Variants in GALNS observed in about 807,000 individuals in gnomAD.
GALNS encodes N-acetylgalactosamine-6-sulfatase.
In GALNS, 65 loss-of-function variants were observed where a neutral mutation model predicts 65.9. The observed-to-expected ratio is 0.99, with a 90% CI of 0.81 to 1.21. The LOEUF is 1.21. Ranked by LOEUF, GALNS falls within the 50% of genes most tolerant of loss-of-function variation. The probability of loss-of-function intolerance (pLI) is 0.00; values close to 1 mark genes in which losing one functional copy is unlikely to be tolerated. For missense variants in GALNS, 776 were observed against 700.7 expected, an observed-to-expected ratio of 1.11 and a Z score of -1.21; for synonymous variants, 346 against 288.9, an observed-to-expected ratio of 1.20 and a Z score of -2.00.
intron 10 of GALNS, among the ~76,000 whole-genome samples, chr16:88,825,404 G>A (rs1910763490): frequency 7.0e-6 from 1 of 143,342 alleles, no homozygotes; most frequent in Admixed American, 6.7e-5. Context: ...CGGGGCTGGG[G>A]TGACTGGGTG....
chr16:88,827,742 T>C (rs893402326), intron 9 of GALNS, among the ~76,000 whole-genome samples: 1 of 152,190 alleles, frequency 6.6e-6, no homozygotes, highest in Non-Finnish European at 1.5e-5. Context: ...CCGGCGGCCC[T>C]GTCTCTTTCT....
At chr16:88,814,979 T>A (rs548392708) in intron 13 of GALNS, 2 of 947,738 alleles carry the variant, frequency 2.1e-6, no homozygotes, top group Non-Finnish European at 2.5e-6. Flanking sequence ...GTGATCCACC[T>A]GCCTTGGCCT....
chr16:88,856,163 G>A (rs1030392806), intron 1 of GALNS: 19 of 702,810 alleles, frequency 2.7e-5, no homozygotes, highest in Non-Finnish European at 3.9e-5. Flanking sequence ...CCCACCAGGA[G>A]ACATTCCAGC....
chr16:88,835,990 G>A (rs907105322), intron 6 of GALNS, 141 bp from the exon 7 acceptor site: 32 of 1,382,288 alleles, frequency 2.3e-5, no homozygotes, highest in East Asian at 4.8e-5. Context: ...AGGTTGGTGC[G>A]GTCCCCGTCC....
intron 13 of GALNS, chr16:88,817,524 C>G: frequency 1.0e-6 from 1 of 985,430 alleles, no homozygotes; most frequent in Non-Finnish European, 1.2e-6. Context: ...CGCCACTCAA[C>G]AGTGCCCACC....
At chr16:88,848,632 CCT>C (rs971685114) in intron 1 of GALNS, among the ~76,000 whole-genome samples, 6 of 151,884 alleles carry the variant, frequency 4.0e-5, no homozygotes, top group Non-Finnish European at 5.9e-5. Context: ...CAGGGGCTCC[CCT>C]GACACTGCTG....
chr16:88,855,219 C>G lies in GALNS; in HGVS notation c.120+1539G>C, dbSNP rs772337919. ...ATAAAAAATTATTCATGAGCTGCCC[C>G]GCCTCACCCCTCTGTCCTCTGAGAA... is the stretch of plus-strand genomic sequence containing the variant. On this transcript the variant is annotated intron_variant, in intron 1 of 13. Coordinates refer to ENST00000268695, the MANE Select transcript of GALNS (RefSeq NM_000512.5). 5.7e-6 allele frequency: 4 copies of G among 696,928 alleles called. No individual in the cohort carries two copies. In the South Asian group the frequency reaches 6.0e-5, roughly 10 times the overall value. 43.2% of individuals were successfully genotyped at this position (696,928 alleles called of 1,614,324 possible). A position where few individuals can be genotyped will look rare whatever the true frequency, so the allele number is the denominator to read the frequency against.
chr16:88,841,941 G>C lies in GALNS; in HGVS notation c.275C>G (p.Pro92Arg). Residue 92 changes from proline (P) to arginine (R), a missense_variant, in exon 3 of 14, where the codon CCC becomes CGC. Pro to Arg is a moderately radical substitution (Grantham distance 103). Coordinates refer to ENST00000268695, the MANE Select transcript of GALNS (RefSeq NM_000512.5). ...SRAALLTGRL[P>R]IRNGFYTTNA... Reference sequence around the variant, plus strand: ...GGTGGTGTAGAAGCCATTGCGGATGGGTAGCCGTCCTGTGAGCAGTGCCGC... The same window carrying C: ...GGTGGTGTAGAAGCCATTGCGGATGCGTAGCCGTCCTGTGAGCAGTGCCGC... 1 of 1,613,616 alleles carries C rather than the reference G, an allele frequency of 6.2e-7. No individual in the cohort carries two copies. Among genetic ancestry groups the C allele is most frequent in the Non-Finnish European group, 8.5e-7 (1 of 1,179,806 alleles).
chr16:88,825,752 AG>A (rs1910824030), intron 10 of GALNS, among the ~76,000 whole-genome samples: 1 of 152,088 alleles, frequency 6.6e-6, no homozygotes, highest in South Asian at 2.1e-4. Flanking sequence ...CCTGCGAGTC[AG>A]GAACGGGGAG....
intron 1 of GALNS, among the ~76,000 whole-genome samples, chr16:88,854,173 G>A (rs1967645567): frequency 6.6e-6 from 1 of 152,204 alleles, no homozygotes; most frequent in African/African-American, 2.4e-5. Flanking sequence ...AAGTGGTGCT[G>A]GGCCCAGAGC....
intron 1 of GALNS, 25 bp downstream of exon 1, chr16:88,856,712 TCCCCGCCCCACCCCGGCCCTG>T (rs1411669663): frequency 9.1e-5 from 39 of 428,130 alleles, no homozygotes; most frequent in Non-Finnish European, 1.6e-4. Flanking sequence ...GCCCCTCCCC[TCCCCGCCCCACCCCGGCCCTG>T]CCCCGTCCCA....
At chr16:88,833,222 C>T (rs1350453044) in intron 8 of GALNS, among the ~76,000 whole-genome samples, 2 of 152,192 alleles carry the variant, frequency 1.3e-5, no homozygotes, top group Non-Finnish European at 2.9e-5. Flanking sequence ...AACGGAACCT[C>T]GCAGGCAGCT....
intron 1 of GALNS, among the ~76,000 whole-genome samples, chr16:88,854,598 G>A (rs1967686902): frequency 6.6e-6 from 1 of 152,220 alleles, no homozygotes; most frequent in African/African-American, 2.4e-5. Flanking sequence ...TTGGCGCAGG[G>A]CTGAGACCCA....
intron 9 of GALNS, among the ~76,000 whole-genome samples, chr16:88,828,868 G>T (rs1209797059): frequency 1.3e-5 from 2 of 152,188 alleles, no homozygotes; most frequent in Admixed American, 1.3e-4. Context: ...CCAGCCTGGG[G>T]AGCAGAGCCC....
At chr16:88,837,815 G>T (rs1411214432) in intron 4 of GALNS, 50 bp from the exon 5 acceptor site, 2 of 1,605,038 alleles carry the variant, frequency 1.2e-6, no homozygotes, top group Non-Finnish European at 1.7e-6. Flanking sequence ...GGGGACACTC[G>T]GAAGTTCTGA....
chr16:88,828,339 C>T (rs1158254386), intron 9 of GALNS, among the ~76,000 whole-genome samples: 3 of 152,242 alleles, frequency 2.0e-5, no homozygotes, highest in Admixed American at 6.5e-5. Context: ...TCGAAGAACT[C>T]TCCAGGCAGC....
intron 4 of GALNS, chr16:88,840,526 C>A (rs1419302301): frequency 3.6e-6 from 1 of 277,658 alleles, no homozygotes; most frequent in African/African-American, 2.2e-5. Context: ...CTCAGGATTT[C>A]ATCAACTGCT....
intron 3 of GALNS, among the ~76,000 whole-genome samples, chr16:88,841,405 C>T (rs551012245): frequency 1.3e-5 from 2 of 152,300 alleles, no homozygotes; most frequent in South Asian, 2.1e-4. Context: ...CTCCCACCTG[C>T]CTGGTCTCCA....
At chr16:88,843,071 G>A (rs1407082809) in intron 1 of GALNS, 7 of 1,513,452 alleles carry the variant, frequency 4.6e-6, no homozygotes, top group Admixed American at 4.0e-5. Flanking sequence ...GCCGCTCCAC[G>A]GTCAGCCCAC....
Sources: allele counts gnomAD v4.1 joint callset (sites outside exome capture counted in the v4.1 genomes callset), GRCh38; gene constraint gnomAD v4.1.1; transcripts MANE v1.5; gene names NCBI Gene and HGNC (gene_info 2026-07-23, HGNC 2026-07-21).